The following CTTNBP2NL variants were observed in gnomAD, a reference collection of about 807,000 sequenced individuals.
CTTNBP2NL encodes the protein CTTNBP2 N-terminal-like protein.
A neutral mutation model predicts 32.5 loss-of-function variants in CTTNBP2NL; 16 were observed. The observed-to-expected ratio is 0.49, with a 90% CI of 0.33 to 0.75. CTTNBP2NL has a LOEUF of 0.75. Ranked by LOEUF, CTTNBP2NL falls within the 30% of genes least tolerant of loss-of-function variation. The pLI, the probability that CTTNBP2NL is intolerant of heterozygous loss-of-function variation, is 0.02. For missense variants in CTTNBP2NL, 645 were observed against 756.0 expected, an observed-to-expected ratio of 0.85 and a Z score of 1.72; for synonymous variants, 298 against 289.4, an observed-to-expected ratio of 1.03 and a Z score of -0.30.
In CTTNBP2NL at chr1:112,460,073, A is replaced by G. The variant is rs1228716790; in HGVS notation, c.*2661A>G. 2.0e-5 allele frequency: 3 copies of G among 152,182 alleles called. No homozygotes were observed. In the East Asian group the frequency reaches 5.8e-4, roughly 29 times the overall value. The allele number at this position is 152,182 out of a possible 1,614,324, so 9.4% of individuals were successfully genotyped here. A position where few individuals can be genotyped will look rare whatever the true frequency, so the allele number is the denominator to read the frequency against. On this transcript the variant is annotated 3_prime_UTR_variant, in exon 6 of 6. Coordinates refer to ENST00000271277, the MANE Select transcript of CTTNBP2NL (RefSeq NM_018704.3). ...AAGTTCCATGATTCACAATTTTAGT[A>G]TTAACCCATGTTGCAAAAGCTGTTA... is the stretch of plus-strand genomic sequence containing the variant.
chr1:112,406,887 T>A (rs1225291222), intron 1 of CTTNBP2NL, among the ~76,000 whole-genome samples: 1 of 152,212 alleles, frequency 6.6e-6, no homozygotes, highest in African/African-American at 2.4e-5. Flanking sequence ...TAAAAAATAC[T>A]AGCTTAATTA....
intron 3 of CTTNBP2NL, among the ~76,000 whole-genome samples, chr1:112,416,502 T>C (rs1054428545): frequency 6.6e-5 from 7 of 106,154 alleles, no homozygotes; most frequent in Non-Finnish European, 1.7e-4. Flanking sequence ...TGAACTTCAT[T>C]CTTTTTTTTT....
In CTTNBP2NL at chr1:112,415,651, C is replaced by T. The variant is rs553975979; in HGVS notation, c.-9-506C>T. On this transcript the variant is annotated intron_variant, in intron 2 of 5. Transcript: ENST00000271277. ...GGCTCACTGCAATCTTTGCCTCCCG[C>T]GTTCAAGTGATTCCCCTGCCTCAGC... Among the ~76,000 whole-genome samples, 27 of 151,708 alleles carry T rather than the reference C, an allele frequency of 1.8e-4. 1 individual carries two copies. The South Asian group carries it at 3.5e-3, about 20-fold the overall frequency.
At chr1:112,391,191 C>G in the CTTNBP2NL span, among the ~76,000 whole-genome samples, 3 of 152,222 alleles carry the variant, frequency 2.0e-5, no homozygotes. Context: ...GAGGGCACAC[C>G]TTGCCTTCGG....
At chr1:112,440,991 C>A (rs1297091184) in intron 3 of CTTNBP2NL, among the ~76,000 whole-genome samples, 2 of 152,160 alleles carry the variant, frequency 1.3e-5, no homozygotes, top group African/African-American at 4.8e-5. Context: ...ACATATACTA[C>A]ATATAACTTG....
rs181333697 is a variant in CTTNBP2NL, at chr1:112,397,015, T to C, written c.-134+743T>C. On this transcript the variant is annotated intron_variant, in intron 1 of 5. Transcript: ENST00000271277. ...GAGCACCCAGCCTCTAAGGGTTTCT[T>C]AGGTTTGAATTGCGTTTCATTTTTC... Among the ~76,000 whole-genome samples, 441 of 149,962 alleles carry C rather than the reference T, an allele frequency of 2.9e-3. 3 individuals carry two copies. The highest frequency in any genetic ancestry group is 1.0e-2 in the African/African-American group (412 of 41,202).
At position 112,456,164 on chromosome 1, in the gene CTTNBP2NL, GAGAA is replaced by G; in HGVS notation, c.676_679del (p.Lys226GlufsTer9). The G allele has an allele frequency of 6.2e-7, 1 of 1,614,136 alleles. No individual in the cohort carries two copies. The highest frequency in any genetic ancestry group is 1.1e-5 in the South Asian group (1 of 91,078). On this transcript the variant is annotated frameshift_variant, in exon 6 of 6. Transcript: ENST00000271277. LOFTEE classifies it low-confidence loss of function (END_TRUNC). Reference sequence around the variant, plus strand: ...AACTGGAAGAAGAGTTGGCAGCTGAGAGAAAGAGAGGCTTGCAGACTGAGGCCCA... The same window carrying G: ...AACTGGAAGAAGAGTTGGCAGCTGAGAGAGAGGCTTGCAGACTGAGGCCCA...
At chr1:112,432,770 C>A (rs930365406) in intron 3 of CTTNBP2NL, among the ~76,000 whole-genome samples, 6 of 148,646 alleles carry the variant, frequency 4.0e-5, no homozygotes, top group African/African-American at 1.5e-4. Flanking sequence ...AAAAAAAAAA[C>A]CTTCTCAATC....
Position 112,456,686 on chromosome 1 carries a change from T to G in CTTNBP2NL, c.1194T>G (p.Thr398=). The G allele has an allele frequency of 6.2e-7, 1 of 1,614,050 alleles. No individual in the cohort carries two copies. The highest frequency in any genetic ancestry group is 8.5e-7 in the Non-Finnish European group (1 of 1,180,012). ...ENGGCPVGIE[T]PVPMPSPLSS... The stretch of plus-strand genomic sequence containing the variant: ...GTGGGTGTCCTGTGGGGATTGAGAC[T>G]CCAGTCCCAATGCCCAGTCCCCTCT... The change falls in exon 6 of 6, where the codon ACT becomes ACG. Residue 398 remains threonine, a synonymous_variant. Coordinates refer to ENST00000271277, the MANE Select transcript of CTTNBP2NL (RefSeq NM_018704.3).
chr1:112,408,126 T>A (rs2100995397), intron 1 of CTTNBP2NL, among the ~76,000 whole-genome samples: 1 of 151,858 alleles, frequency 6.6e-6, no homozygotes, highest in Middle Eastern at 3.4e-3. Context: ...GGATTACAGG[T>A]GTGAGCCACG....
chr1:112,454,383 T>C, intron 4 of CTTNBP2NL, 66 bp from the exon 5 acceptor site: 1 of 1,200,964 alleles, frequency 8.3e-7, no homozygotes, highest in Non-Finnish European at 1.2e-6. Flanking sequence ...TGGCACTTAT[T>C]ATTGGTTGTA....
At chr1:112,420,861 A>G (rs544435440) in intron 3 of CTTNBP2NL, among the ~76,000 whole-genome samples, 137 of 152,316 alleles carry the variant, frequency 9.0e-4, no homozygotes, top group African/African-American at 3.1e-3. Context: ...CAAAACCATC[A>G]ACCAGAACAT....
intron 2 of CTTNBP2NL, among the ~76,000 whole-genome samples, chr1:112,414,523 A>G (rs938839654): frequency 3.9e-5 from 6 of 152,198 alleles, no homozygotes; most frequent in South Asian, 2.1e-4. Flanking sequence ...GAAGGAATCA[A>G]TTCTTTTTTT....
rs974083848 is a variant in CTTNBP2NL, at chr1:112,457,018, T to C, written c.1526T>C (p.Leu509Pro). ...GCCCGAAACACAGTCACTCAGGTGC[T>C]CTCCAGATTCACTAGCCAACAAGGG... is the stretch of plus-strand genomic sequence containing the variant. Reference protein sequence around the residue: ...QLARNTVTQVLSRFTSQQGPI... With the variant: ...QLARNTVTQVPSRFTSQQGPI... Residue 509 changes from leucine to proline, a missense_variant, in exon 6 of 6, where the codon CTC (leucine) becomes CCC (proline). By Grantham distance (98) the Leu-to-Pro change is moderately conservative (BLOSUM62 -3). Coordinates refer to ENST00000271277, the MANE Select transcript of CTTNBP2NL (RefSeq NM_018704.3). The C allele has an allele frequency of 7.4e-6, 12 of 1,613,852 alleles. No homozygotes were observed. Among genetic ancestry groups the C allele is most frequent in the Non-Finnish European group, 1.0e-5 (12 of 1,179,980 alleles).
chr1:112,402,881 G>T (rs959762152), intron 1 of CTTNBP2NL, among the ~76,000 whole-genome samples: 1 of 151,964 alleles, frequency 6.6e-6, no homozygotes, highest in Non-Finnish European at 1.5e-5. Context: ...CGTTCCTCTT[G>T]GGGGTCAAAT....
intron 1 of CTTNBP2NL, among the ~76,000 whole-genome samples, chr1:112,398,766 A>G (rs2100988029): frequency 6.7e-6 from 1 of 148,298 alleles, no homozygotes; most frequent in South Asian, 2.1e-4. Flanking sequence ...AGCTATGATC[A>G]TGCCACTGCA....
chr1:112,456,415 T>C lies in CTTNBP2NL; in HGVS notation c.923T>C (p.Met308Thr), dbSNP rs767976293. Reference sequence around the variant, plus strand: ...ACAGCAACTGAGCCTCTCATGCTAATGTCTGTGTTTTGCCAAACAGAGAGT... The same window carrying C: ...ACAGCAACTGAGCCTCTCATGCTAACGTCTGTGTTTTGCCAAACAGAGAGT... ...KGTATEPLML[M>T]SVFCQTESFP... Residue 308 changes from methionine (M) to threonine (T), a missense_variant, in exon 6 of 6, where the codon ATG becomes ACG. By Grantham distance (81) the Met-to-Thr change is moderately conservative (BLOSUM62 -1). Coordinates refer to ENST00000271277, the MANE Select transcript of CTTNBP2NL (RefSeq NM_018704.3). 3.7e-6 allele frequency: 6 copies of C among 1,614,136 alleles called. No homozygotes were observed. The highest frequency in any genetic ancestry group is 5.1e-6 in the Non-Finnish European group (6 of 1,180,026).
rs959383314 is a variant in CTTNBP2NL, at chr1:112,456,231, G to A, written c.739G>A (p.Glu247Lys). The A allele has an allele frequency of 1.4e-5, 22 of 1,613,980 alleles. No homozygotes were observed. The highest frequency in any genetic ancestry group is 1.8e-5 in the Non-Finnish European group (21 of 1,180,050). ...GTTATCAGAGTTTGACATCGAAAGG[G>A]AACAACTGAGAGCAAAACTGAACCG... The part of the protein sequence containing the change: ...KQLSEFDIER[E>K]QLRAKLNREE... Residue 247 changes from glutamate to lysine, a missense_variant, in exon 6 of 6, where the codon GAA (glutamate) becomes AAA (lysine). Physicochemically the swap from Glu to Lys is moderately conservative, Grantham distance 56. Coordinates refer to ENST00000271277, the MANE Select transcript of CTTNBP2NL (RefSeq NM_018704.3).
intron 1 of CTTNBP2NL, among the ~76,000 whole-genome samples, chr1:112,405,072 AAAAC>A (rs1381639218): frequency 9.9e-5 from 15 of 152,204 alleles, no homozygotes; most frequent in Non-Finnish European, 1.5e-4. Flanking sequence ...CATCTCAAAA[AAAAC>A]AAACAAAAAA....
Sources: allele counts gnomAD v4.1 joint callset (sites outside exome capture counted in the v4.1 genomes callset), GRCh38; gene constraint gnomAD v4.1.1; transcripts MANE v1.5; gene names NCBI Gene and HGNC (gene_info 2026-07-23, HGNC 2026-07-21).